The following HS3ST4 variants were observed in gnomAD, a reference collection of about 807,000 sequenced individuals.
HS3ST4 encodes the protein heparan sulfate-glucosamine 3-sulfotransferase 4.
In HS3ST4, 17 loss-of-function variants were observed where a neutral mutation model predicts 29.2. That is an observed-to-expected ratio of 0.58 (90% CI 0.40 to 0.87). The LOEUF is 0.87. HS3ST4 is among the 40% of genes least tolerant of loss of function. The pLI is 0.00. For synonymous variants in HS3ST4, 314 were observed against 285.7 expected, an observed-to-expected ratio of 1.10 and a Z score of -1.00; for missense variants, 627 against 634.5, an observed-to-expected ratio of 0.99 and a Z score of 0.13.
Position 26,107,790 on chromosome 16 carries a change from G to A in HS3ST4, c.735-27822G>A, listed in dbSNP as rs141974764. Among the ~76,000 whole-genome samples, 384 of 152,200 alleles carry A rather than the reference G, an allele frequency of 2.5e-3. 2 individuals carry two copies. Among genetic ancestry groups the A allele is most frequent in the African/African-American group, 8.4e-3 (349 of 41,540 alleles). Reference sequence around the variant, plus strand: ...ACCACATTTTCTTTATTCACTCATCGGTTGATAGGCTCTTAGGTTGGTGCC... The same window carrying A: ...ACCACATTTTCTTTATTCACTCATCAGTTGATAGGCTCTTAGGTTGGTGCC... On this transcript the variant is annotated intron_variant, in intron 1 of 1. Transcript: ENST00000331351.
intron 1 of HS3ST4, among the ~76,000 whole-genome samples, chr16:25,709,164 G>C (rs577964044): frequency 5.2e-4 from 79 of 151,892 alleles, no homozygotes; most frequent in Non-Finnish European, 2.8e-4. Flanking sequence ...TCGCCGCTCA[G>C]ATGGTTGACT....
chr16:25,962,756 C>T (rs1021146741), intron 1 of HS3ST4, among the ~76,000 whole-genome samples: 1 of 152,118 alleles, frequency 6.6e-6, no homozygotes, highest in South Asian at 2.1e-4. Flanking sequence ...CTGTTCCATT[C>T]GGAATAAGAT....
chr16:25,852,825 TA>T lies in HS3ST4; in HGVS notation c.734+159676del, dbSNP rs545401991. ...AAAGGTATTATCCTATATTCTTCTT[TA>T]ATCATTTTGAATTTTTAACGTTGAA... On this transcript the variant is annotated intron_variant, in intron 1 of 1. Transcript: ENST00000331351. 7.2e-5 allele frequency among the ~76,000 whole-genome samples: 11 copies of T among 152,354 alleles called. No individual in the cohort carries two copies. The South Asian group carries it at 2.3e-3, about 32-fold the overall frequency.
At chr16:26,047,840 C>A (rs909876591) in intron 1 of HS3ST4, among the ~76,000 whole-genome samples, 1 of 152,126 alleles carries the variant, frequency 6.6e-6, no homozygotes, top group East Asian at 1.9e-4. Context: ...TGATGATGGA[C>A]CATGAGCGGT....
intron 1 of HS3ST4, among the ~76,000 whole-genome samples, chr16:25,830,890 T>A (rs951103004): frequency 6.6e-6 from 1 of 152,170 alleles, no homozygotes; most frequent in African/African-American, 2.4e-5. Flanking sequence ...CATTTCAGAA[T>A]GTGCCAATGC....
intron 1 of HS3ST4, among the ~76,000 whole-genome samples, chr16:26,026,483 A>G (rs1053533135): frequency 6.6e-6 from 1 of 152,076 alleles, no homozygotes; most frequent in South Asian, 2.1e-4. Flanking sequence ...CTCCTTTGCT[A>G]TTATCTTATG....
chr16:25,807,918 A>G (rs1273806044), intron 1 of HS3ST4, among the ~76,000 whole-genome samples: 1 of 152,046 alleles, frequency 6.6e-6, no homozygotes, highest in Non-Finnish European at 1.5e-5. Flanking sequence ...ACATCTCGTC[A>G]TGTGCTTATT....
chr16:25,713,053 T>A (rs1019518771), intron 1 of HS3ST4, among the ~76,000 whole-genome samples: 1 of 151,888 alleles, frequency 6.6e-6, no homozygotes, highest in African/African-American at 2.4e-5. Flanking sequence ...TTTTTTTAAT[T>A]TTTATTTATT....
intron 1 of HS3ST4, among the ~76,000 whole-genome samples, chr16:25,742,433 G>C (rs923982258): frequency 3.5e-4 from 53 of 151,954 alleles, no homozygotes; most frequent in African/African-American, 1.1e-3. Context: ...GTGATCAGGG[G>C]AATAGACTGT....
chr16:25,935,243 A>G (rs1255531458), intron 1 of HS3ST4, among the ~76,000 whole-genome samples: 1 of 152,160 alleles, frequency 6.6e-6, no homozygotes, highest in Non-Finnish European at 1.5e-5. Context: ...AAAACGGACT[A>G]ATACACTCCC....
chr16:25,916,316 C>T (rs574536540), intron 1 of HS3ST4, among the ~76,000 whole-genome samples: 1 of 152,250 alleles, frequency 6.6e-6, no homozygotes, highest in African/African-American at 2.4e-5. Context: ...CAGAAATTTA[C>T]AGGGGCCTGA....
intron 1 of HS3ST4, among the ~76,000 whole-genome samples, chr16:25,789,391 C>CT (rs1447823918): frequency 6.8e-6 from 1 of 146,972 alleles, no homozygotes; most frequent in Non-Finnish European, 1.5e-5. Context: ...CTTTCTTTCT[C>CT]TTTCTTTGTT....
chr16:26,130,836 G>A (rs1596692607), intron 1 of HS3ST4, among the ~76,000 whole-genome samples: 1 of 152,306 alleles, frequency 6.6e-6, no homozygotes, highest in East Asian at 1.9e-4. Flanking sequence ...GGACATAGAT[G>A]TCCACTTCTT....
chr16:25,845,314 G>A (rs545546098), intron 1 of HS3ST4, among the ~76,000 whole-genome samples: 33 of 152,274 alleles, frequency 2.2e-4, no homozygotes, highest in African/African-American at 7.7e-4. Flanking sequence ...TTTAAGACCA[G>A]CCTGGCCCAC....
chr16:25,714,265 A>G (rs116484484), intron 1 of HS3ST4, among the ~76,000 whole-genome samples: 7,542 of 152,264 alleles, frequency 0.05, 206 homozygotes, highest in Non-Finnish European at 0.059. Flanking sequence ...TCCTTCCCGC[A>G]CTGCCAACCT....
intron 1 of HS3ST4, among the ~76,000 whole-genome samples, chr16:25,984,423 G>A (rs1380018659): frequency 1.3e-5 from 2 of 152,196 alleles, no homozygotes; most frequent in Non-Finnish European, 2.9e-5. Flanking sequence ...CTAACAGGAG[G>A]TGGAGCTCAG....
At chr16:25,741,386 AAAAAG>A (rs1966651332) in intron 1 of HS3ST4, among the ~76,000 whole-genome samples, 1 of 150,250 alleles carries the variant, frequency 6.7e-6, no homozygotes, top group Admixed American at 6.6e-5. Context: ...AAAAAAAAAA[AAAAAG>A]GCGGGGGGAG....
intron 1 of HS3ST4, among the ~76,000 whole-genome samples, chr16:26,064,350 G>T (rs1023855746): frequency 1.3e-5 from 2 of 152,166 alleles, no homozygotes; most frequent in Non-Finnish European, 2.9e-5. Flanking sequence ...GGTGCTTAGG[G>T]TATAGAGGGT....
intron 1 of HS3ST4, among the ~76,000 whole-genome samples, chr16:25,947,296 C>A (rs937218435): frequency 3.9e-5 from 6 of 152,166 alleles, no homozygotes; most frequent in Admixed American, 6.6e-5. Context: ...TCAGAAAATA[C>A]TCCATTATCC....
Sources: allele counts gnomAD v4.1 joint callset (sites outside exome capture counted in the v4.1 genomes callset), GRCh38; gene constraint gnomAD v4.1.1; transcripts MANE v1.5; gene names NCBI Gene and HGNC (gene_info 2026-07-23, HGNC 2026-07-21).